The following RGPD2 variants were observed in gnomAD, a reference collection of about 807,000 sequenced individuals.
The protein encoded by RGPD2 is RANBP2 like and GRIP domain containing 2, also known as RANBP2-like and GRIP domain-containing protein 2.
In RGPD2, 2 loss-of-function variants were observed where a neutral mutation model predicts 36.0. The observed-to-expected ratio is 0.06, with a 90% confidence interval of 0.02 to 0.17. The LOEUF (loss-of-function observed/expected upper bound fraction) is 0.17, where lower values mean the gene tolerates loss of function less well. Ranked by LOEUF, RGPD2 falls within the 10% of genes least tolerant of loss-of-function variation. The pLI, the probability that RGPD2 is intolerant of heterozygous loss-of-function variation, is 1.00. For synonymous variants in RGPD2, 19 were observed against 163.8 expected, an observed-to-expected ratio of 0.12 and a Z score of 6.75; for missense variants, 40 against 464.3, an observed-to-expected ratio of 0.09 and a Z score of 8.40.
the RGPD2 span, among the ~76,000 whole-genome samples, chr2:87,879,668 AG>A: frequency 2.8e-5 from 2 of 72,536 alleles, no homozygotes; most frequent in African/African-American, 1.2e-4. Context: ...ATGGCTGAAT[AG>A]TACTCCATTG....
At chr2:87,927,672 C>A in the RGPD2 span, among the ~76,000 whole-genome samples, 1 of 150,398 alleles carries the variant, frequency 6.6e-6, no homozygotes, top group African/African-American at 2.4e-5. Context: ...TTTATAGTAT[C>A]ATGTCTTTTT....
the RGPD2 span, among the ~76,000 whole-genome samples, chr2:87,876,819 C>G: frequency 1.3e-5 from 2 of 152,170 alleles, no homozygotes; most frequent in South Asian, 2.1e-4. Flanking sequence ...AAGTCTCTCA[C>G]TATTATTCTG....
chr2:87,886,585 T>C, the RGPD2 span, among the ~76,000 whole-genome samples: 1 of 151,476 alleles, frequency 6.6e-6, no homozygotes, highest in African/African-American at 2.4e-5. Flanking sequence ...CATAATTGTT[T>C]TGTTGATGGA....
the RGPD2 span, among the ~76,000 whole-genome samples, chr2:87,933,655 G>A: frequency 6.7e-6 from 1 of 148,844 alleles, no homozygotes; most frequent in South Asian, 2.1e-4. Flanking sequence ...AACAGGTGGT[G>A]TTTCAGAAAG....
the RGPD2 span, among the ~76,000 whole-genome samples, chr2:87,915,238 TA>T: frequency 6.7e-6 from 1 of 149,262 alleles, no homozygotes; most frequent in African/African-American, 2.5e-5. Flanking sequence ...ATATTTTACT[TA>T]AAGGAACTTT....
the RGPD2 span, among the ~76,000 whole-genome samples, chr2:87,881,355 T>C: frequency 6.6e-6 from 1 of 152,266 alleles, no homozygotes; most frequent in African/African-American, 2.4e-5. Flanking sequence ...AACCCCACAA[T>C]TTACCTCCAC....
chr2:87,870,630 CA>C, the RGPD2 span, among the ~76,000 whole-genome samples: 1 of 152,128 alleles, frequency 6.6e-6, no homozygotes, highest in Non-Finnish European at 1.5e-5. Context: ...TAAATATAAT[CA>C]AACCTCTTCC....
the RGPD2 span, among the ~76,000 whole-genome samples, chr2:87,893,512 T>C: frequency 3.7e-5 from 5 of 134,336 alleles, no homozygotes; most frequent in Admixed American, 1.4e-4. Context: ...TAATAAAGCT[T>C]ATAAGGGGCT....
chr2:87,915,421 A>G, the RGPD2 span, among the ~76,000 whole-genome samples: 1 of 140,630 alleles, frequency 7.1e-6, no homozygotes, highest in Non-Finnish European at 1.5e-5. Flanking sequence ...GTATATATGT[A>G]TATGTATATA....
chr2:87,852,785 C>T, the RGPD2 span, among the ~76,000 whole-genome samples: 17 of 152,408 alleles, frequency 1.1e-4, no homozygotes, highest in South Asian at 4.1e-4. Context: ...TTATTATGGG[C>T]GTTTTCCCTA....
At chr2:87,972,676 G>C in the RGPD2 span, 1 of 1,533,112 alleles carries the variant, frequency 6.5e-7, no homozygotes, top group Non-Finnish European at 8.8e-7. Flanking sequence ...CCAGCAGCGG[G>C]AACGGCAGCG....
upstream of RGPD2, among the ~76,000 whole-genome samples, chr2:87,827,380 T>A (rs1444801137): frequency 6.6e-6 from 1 of 151,988 alleles, no homozygotes; most frequent in Non-Finnish European, 1.5e-5. Flanking sequence ...AGAGATAACC[T>A]GGGTTCAAAT....
chr2:87,915,935 A>G, the RGPD2 span, among the ~76,000 whole-genome samples: 1 of 151,308 alleles, frequency 6.6e-6, no homozygotes, highest in Non-Finnish European at 1.5e-5. Flanking sequence ...GAAAAGAAGG[A>G]AGTGAGGGAG....
chr2:87,843,091 C>A, the RGPD2 span, among the ~76,000 whole-genome samples: 1 of 151,248 alleles, frequency 6.6e-6, no homozygotes, highest in East Asian at 1.9e-4. Flanking sequence ...AACGTTAGAC[C>A]TAAAACCATA....
the RGPD2 span, among the ~76,000 whole-genome samples, chr2:87,961,154 T>C: frequency 6.6e-6 from 1 of 152,232 alleles, no homozygotes; most frequent in South Asian, 2.1e-4. Flanking sequence ...GAAAATGTTC[T>C]AGAGAAAACT....
the RGPD2 span, among the ~76,000 whole-genome samples, chr2:87,933,697 A>C: frequency 2.7e-5 from 4 of 147,320 alleles, no homozygotes; most frequent in Non-Finnish European, 6.0e-5. Context: ...TCTTTCCTCC[A>C]CTTTGTCTTT....
chr2:87,830,844 A>G, the RGPD2 span, among the ~76,000 whole-genome samples: 1 of 152,094 alleles, frequency 6.6e-6, no homozygotes, highest in Non-Finnish European at 1.5e-5. Flanking sequence ...ACCCACCCCC[A>G]TGATTCAATT....
At chr2:87,913,826 G>A in the RGPD2 span, among the ~76,000 whole-genome samples, 1 of 151,964 alleles carries the variant, frequency 6.6e-6, no homozygotes, top group African/African-American at 2.4e-5. Flanking sequence ...GTAGATGTAT[G>A]GTTGACATTT....
At chr2:87,781,472 T>G (rs371285713) in intron 20 of RGPD2, among the ~76,000 whole-genome samples, 4,289 of 136,936 alleles carry the variant, frequency 0.031, 143 homozygotes, top group South Asian at 0.12. Context: ...TTGTTTTTTT[T>G]TTTTTTTTTG....
Sources: gnomAD v4.1 joint callset for allele counts (sites outside exome capture counted in the v4.1 genomes callset) on GRCh38, gnomAD v4.1.1 for gene constraint, MANE v1.5 for transcripts, NCBI Gene and HGNC (gene_info 2026-07-23, HGNC 2026-07-21) for gene names.